Variants in MSR1 observed in about 807,000 individuals in gnomAD.
MSR1 encodes macrophage scavenger receptor 1, also known as macrophage scavenger receptor types I and II.
Under a neutral mutation model 47.2 loss-of-function variants are expected in MSR1, and 53 were observed. The observed-to-expected ratio is 1.12, with a 90% confidence interval of 0.90 to 1.41. The LOEUF (loss-of-function observed/expected upper bound fraction) is 1.41, where lower values mean the gene tolerates loss of function less well. Ranked by LOEUF, MSR1 falls within the 40% of genes most tolerant of loss-of-function variation. The probability of loss-of-function intolerance (pLI) is 0.00; values close to 1 mark genes in which losing one functional copy is unlikely to be tolerated. For synonymous variants in MSR1, 239 were observed against 185.6 expected (o/e 1.29, Z -2.34); for missense variants, 786 against 546.9 (o/e 1.44, Z -4.36).
At chr8:16,140,745 G>A (rs913176021) in intron 8 of MSR1, 1 of 1,424,604 alleles carries the variant, frequency 7.0e-7, no homozygotes, top group African/African-American at 1.4e-5. Context: ...AGGTGTCCAG[G>A]CTGGGGGTGA....
At chr8:16,119,145 C>T (rs1799941307) in intron 9 of MSR1, among the ~76,000 whole-genome samples, 1 of 152,166 alleles carries the variant, frequency 6.6e-6, no homozygotes, top group Non-Finnish European at 1.5e-5. Context: ...CATCTCCTCT[C>T]TTCATGAAAT....
chr8:16,126,385 C>A (rs1800129169), intron 8 of MSR1, among the ~76,000 whole-genome samples: 1 of 151,916 alleles, frequency 6.6e-6, no homozygotes, highest in Non-Finnish European at 1.5e-5. Flanking sequence ...CTTTTTGTAT[C>A]ATTTATTGGA....
At chr8:16,113,346 T>C (rs1317312508) in intron 9 of MSR1, among the ~76,000 whole-genome samples, 2 of 152,092 alleles carry the variant, frequency 1.3e-5, no homozygotes, top group African/African-American at 4.8e-5. Context: ...AAATAAAAGG[T>C]AATCAGTTTC....
intron 5 of MSR1, among the ~76,000 whole-genome samples, chr8:16,159,099 G>A (rs1801091752): frequency 6.6e-6 from 1 of 151,506 alleles, no homozygotes; most frequent in African/African-American, 2.4e-5. Context: ...ACCACTTCTA[G>A]CCTACAGTCC....
chr8:16,139,771 AAAAATATATATATATATATAT>A (rs1800495311), intron 8 of MSR1: 1 of 39,274 alleles, frequency 2.5e-5, no homozygotes, highest in Non-Finnish European at 3.9e-5. Flanking sequence ...AAAAAAAAAA[AAAAATATATATATATATATAT>A]ATATATATAT....
intron 5 of MSR1, among the ~76,000 whole-genome samples, chr8:16,158,389 AT>A (rs1801068181): frequency 6.6e-6 from 1 of 152,028 alleles, no homozygotes; most frequent in African/African-American, 2.4e-5. Flanking sequence ...AATCATCAAT[AT>A]CATAGAACAA....
At chr8:16,177,422 G>C (rs536630214) in intron 2 of MSR1, among the ~76,000 whole-genome samples, 2 of 152,158 alleles carry the variant, frequency 1.3e-5, no homozygotes, top group South Asian at 2.1e-4. Context: ...TAGAAGCTGG[G>C]AGGAGGCACA....
intron 4 of MSR1, among the ~76,000 whole-genome samples, chr8:16,166,980 G>A (rs1002781654): frequency 6.6e-6 from 1 of 151,056 alleles, no homozygotes; most frequent in East Asian, 2.0e-4. Flanking sequence ...TGCACGCACT[G>A]GCACTGACCT....
intron 9 of MSR1, among the ~76,000 whole-genome samples, chr8:16,115,856 G>A (rs1312409335): frequency 6.6e-6 from 1 of 152,042 alleles, no homozygotes; most frequent in African/African-American, 2.4e-5. Context: ...GGTATGTGGT[G>A]CAGGCCTGTG....
chr8:16,120,032 C>A (rs1437472099), intron 9 of MSR1, among the ~76,000 whole-genome samples: 5 of 151,966 alleles, frequency 3.3e-5, no homozygotes, highest in Non-Finnish European at 5.9e-5. Context: ...ATGTTCCTGT[C>A]ACTACTTTAT....
intron 9 of MSR1, among the ~76,000 whole-genome samples, chr8:16,113,139 G>A (rs1380472708): frequency 4.6e-5 from 7 of 151,406 alleles, no homozygotes; most frequent in African/African-American, 1.5e-4. Context: ...TAGTAGAGAC[G>A]GGGTTTCACC....
At chr8:16,188,382 T>G (rs1236317989) in intron 1 of MSR1, among the ~76,000 whole-genome samples, 1 of 152,156 alleles carries the variant, frequency 6.6e-6, no homozygotes, top group Non-Finnish European at 1.5e-5. Flanking sequence ...AGTCTTTGGA[T>G]GTATGTATAC....
intron 8 of MSR1, among the ~76,000 whole-genome samples, chr8:16,123,727 A>G (rs978017855): frequency 5.3e-5 from 8 of 152,162 alleles, no homozygotes; most frequent in Non-Finnish European, 5.9e-5. Context: ...AATTGGTGAA[A>G]AAACAGAAAC....
chr8:16,108,750 A>C lies in MSR1; in HGVS notation c.*1335T>G, dbSNP rs1046389078. On this transcript the variant is annotated 3_prime_UTR_variant, in exon 10 of 10. Transcript: ENST00000262101. ...TTACAGTAATTCCAATTCCAAGGTA[A>C]GGTTTTGCCTTTTTAAGTTGGACGG... 6.6e-6 allele frequency: 1 copy of C among 152,102 alleles called. No homozygotes were observed. The highest frequency in any genetic ancestry group is 2.1e-4 in the South Asian group (1 of 4,820). 9.4% of individuals were successfully genotyped at this position (152,102 alleles called of 1,614,324 possible).
chr8:16,185,693 G>A (rs1025354066), intron 1 of MSR1, among the ~76,000 whole-genome samples: 1 of 151,884 alleles, frequency 6.6e-6, no homozygotes, highest in African/African-American at 2.4e-5. Context: ...ATCTACTCCA[G>A]CCAGGCATCT....
intron 8 of MSR1, among the ~76,000 whole-genome samples, chr8:16,126,367 A>C (rs1010325968): frequency 6.6e-6 from 1 of 152,182 alleles, no homozygotes; most frequent in African/African-American, 2.4e-5. Context: ...ACTCATAGTC[A>C]TGATTTCCTT....
At chr8:16,122,367 C>G (rs12676338) in intron 8 of MSR1, among the ~76,000 whole-genome samples, 2 of 151,960 alleles carry the variant, frequency 1.3e-5, no homozygotes, top group Non-Finnish European at 2.9e-5. Flanking sequence ...GTGTGATATC[C>G]AAATGTTTAT....
intron 8 of MSR1, among the ~76,000 whole-genome samples, chr8:16,134,532 T>G (rs550072540): frequency 2.0e-4 from 30 of 152,236 alleles, no homozygotes; most frequent in African/African-American, 6.7e-4. Flanking sequence ...CTGTTCCCCC[T>G]TCTGTCTCTC....
intron 8 of MSR1, among the ~76,000 whole-genome samples, chr8:16,131,440 A>AGTTTTTTTTTTTTTGTTTTTT (rs1491295867): frequency 1.3e-5 from 1 of 79,672 alleles, no homozygotes; most frequent in African/African-American, 5.8e-5. Flanking sequence ...CTCTGTTGAT[A>AGTTTTTTTTTTTTTGTTTTTT]GTTTTTTTTT....
Sources: gnomAD v4.1 joint callset for allele counts (sites outside exome capture counted in the v4.1 genomes callset) on GRCh38, gnomAD v4.1.1 for gene constraint, MANE v1.5 for transcripts, NCBI Gene and HGNC (gene_info 2026-07-23, HGNC 2026-07-21) for gene names.